CABLES1: variants seen among roughly 807,000 people sequenced by gnomAD.
CABLES1 encodes the protein Cdk5 and Abl enzyme substrate 1, also known as CDK5 and ABL1 enzyme substrate 1.
In CABLES1, 36 loss-of-function variants were observed where a neutral mutation model predicts 57.8. That is an observed-to-expected ratio of 0.62 (90% CI 0.48 to 0.82). The LOEUF (loss-of-function observed/expected upper bound fraction) is 0.82. Among genes scored for constraint, CABLES1 ranks in the 40% least tolerant of loss-of-function variants. The pLI, the probability that CABLES1 is intolerant of heterozygous loss-of-function variation, is 0.00. For synonymous variants in CABLES1, 374 were observed against 363.0 expected (o/e 1.03, Z -0.35); for missense variants, 767 against 836.6 (o/e 0.92, Z 1.03).
At chr18:23,199,314 T>G (rs1337023166) in intron 3 of CABLES1, among the ~76,000 whole-genome samples, 2 of 152,206 alleles carry the variant, frequency 1.3e-5, no homozygotes, top group Non-Finnish European at 2.9e-5. Context: ...ACGATACAAT[T>G]AATTGCTAGT....
chr18:23,160,789 T>A (rs1192860602), intron 1 of CABLES1, among the ~76,000 whole-genome samples: 1 of 152,150 alleles, frequency 6.6e-6, no homozygotes, highest in African/African-American at 2.4e-5. Flanking sequence ...ATCCCAGCAC[T>A]TTGGGAGGCC....
Position 23,135,808 on chromosome 18 carries a change from G to GGCGGCCGCCACCACGGCCGCCTGCA in CABLES1, c.48_49insGGCCGCCACCACGGCCGCCTGCAGC (p.Ser17GlyfsTer291). On this transcript the variant is annotated frameshift_variant, in exon 1 of 10. Coordinates refer to ENST00000256925, the MANE Select transcript of CABLES1 (RefSeq NM_001100619.3). LOFTEE classifies it high-confidence loss of function. The stretch of plus-strand genomic sequence containing the variant: ...CGCCACCACGGCCGCCTGCAGCAGC[G>GGCGGCCGCCACCACGGCCGCCTGCA]GCAGCGCCGGCACCGACGCCGCGGG... 1.0e-6 allele frequency: 1 copy of GGCGGCCGCCACCACGGCCGCCTGCA among 965,572 alleles called. No homozygotes were observed. Among genetic ancestry groups the GGCGGCCGCCACCACGGCCGCCTGCA allele is most frequent in the Non-Finnish European group, 1.2e-6 (1 of 812,956 alleles). The allele number at this position is 965,572 out of a possible 1,614,324, so 59.8% of individuals were successfully genotyped here. A position where few individuals can be genotyped will look rare whatever the true frequency, so the allele number is the denominator to read the frequency against.
At chr18:23,217,331 C>A (rs2047449665) in intron 4 of CABLES1, among the ~76,000 whole-genome samples, 1 of 152,144 alleles carries the variant, frequency 6.6e-6, no homozygotes, top group African/African-American at 2.4e-5. Context: ...GATCCTCCTG[C>A]CTCGGCCTCC....
intron 3 of CABLES1, among the ~76,000 whole-genome samples, chr18:23,195,937 A>G (rs1283746620): frequency 6.6e-6 from 1 of 152,224 alleles, no homozygotes; most frequent in Non-Finnish European, 1.5e-5. Context: ...ACCGTAACAT[A>G]AATGTAGAAA....
chr18:23,200,415 A>G (rs1342355082), intron 3 of CABLES1, among the ~76,000 whole-genome samples: 4 of 152,036 alleles, frequency 2.6e-5, no homozygotes, highest in Non-Finnish European at 4.4e-5. Context: ...ACCCGCCACC[A>G]TGCCCAGCTA....
chr18:23,144,772 G>T (rs546491254), intron 1 of CABLES1, among the ~76,000 whole-genome samples: 190 of 152,282 alleles, frequency 1.2e-3, no homozygotes, highest in Non-Finnish European at 2.2e-3. Flanking sequence ...TATTGGAGAC[G>T]ACTGAGGAAT....
intron 6 of CABLES1, among the ~76,000 whole-genome samples, chr18:23,236,348 C>A (rs112307600): frequency 5.3e-5 from 8 of 152,126 alleles, no homozygotes; most frequent in African/African-American, 4.8e-5. Context: ...TCAGCTCCCC[C>A]CAACAATGAC....
intron 9 of CABLES1, among the ~76,000 whole-genome samples, chr18:23,256,274 C>T (rs1282900164): frequency 1.3e-5 from 2 of 152,222 alleles, no homozygotes; most frequent in Non-Finnish European, 2.9e-5. Context: ...CTTTCCAGCT[C>T]CAGCAGCCCC....
intron 1 of CABLES1, among the ~76,000 whole-genome samples, chr18:23,150,442 T>C (rs2046921332): frequency 6.6e-6 from 1 of 151,978 alleles, no homozygotes; most frequent in Admixed American, 6.6e-5. Flanking sequence ...GGTCTCAATC[T>C]CCTGACCTCG....
chr18:23,138,256 G>A (rs1297351680), intron 1 of CABLES1, among the ~76,000 whole-genome samples: 1 of 152,208 alleles, frequency 6.6e-6, no homozygotes, highest in Non-Finnish European at 1.5e-5. Flanking sequence ...AGGGGATATG[G>A]AAGATCTTGT....
At chr18:23,184,125 G>C (rs561121915) in intron 1 of CABLES1, among the ~76,000 whole-genome samples, 7 of 152,316 alleles carry the variant, frequency 4.6e-5, no homozygotes, top group African/African-American at 1.7e-4. Context: ...ACAGTGACTG[G>C]TGGTAGTTCC....
intron 1 of CABLES1, among the ~76,000 whole-genome samples, chr18:23,180,561 G>A (rs2047158018): frequency 6.6e-6 from 1 of 152,170 alleles, no homozygotes; most frequent in Non-Finnish European, 1.5e-5. Flanking sequence ...CTGTCACCCA[G>A]GCTAGAGTGC....
At chr18:23,243,296 T>C (rs1681494164) in intron 7 of CABLES1, among the ~76,000 whole-genome samples, 1 of 151,912 alleles carries the variant, frequency 6.6e-6, no homozygotes, top group East Asian at 1.9e-4. Flanking sequence ...GCTCCGCACT[T>C]CCCTATTATT....
chr18:23,177,355 C>T (rs182011091), intron 1 of CABLES1, among the ~76,000 whole-genome samples: 4 of 151,622 alleles, frequency 2.6e-5, no homozygotes, highest in Admixed American at 6.6e-5. Flanking sequence ...CTGAAGTGTT[C>T]GTAGCCCTGT....
intron 7 of CABLES1, among the ~76,000 whole-genome samples, chr18:23,250,442 G>A (rs1055880189): frequency 2.0e-5 from 3 of 152,242 alleles, no homozygotes; most frequent in African/African-American, 7.2e-5. Context: ...CATGTTAGAT[G>A]TGGCCCCCAT....
At chr18:23,252,232 G>T (rs748746958) in intron 7 of CABLES1, among the ~76,000 whole-genome samples, 1 of 152,204 alleles carries the variant, frequency 6.6e-6, no homozygotes, top group Non-Finnish European at 1.5e-5. Context: ...TGGGGAGTTG[G>T]CATTTAATGG....
At chr18:23,230,755 G>A (rs982133290) in intron 4 of CABLES1, among the ~76,000 whole-genome samples, 2 of 152,030 alleles carry the variant, frequency 1.3e-5, no homozygotes, top group African/African-American at 4.8e-5. Flanking sequence ...CTTTTCACTG[G>A]GCATTCCTCC....
chr18:23,186,106 T>C (rs148252519), intron 1 of CABLES1, among the ~76,000 whole-genome samples: 35 of 152,316 alleles, frequency 2.3e-4, no homozygotes, highest in African/African-American at 8.4e-4. Flanking sequence ...GGAAGGAACA[T>C]GTACGCATCT....
chr18:23,250,586 G>T (rs1329478718), intron 7 of CABLES1, among the ~76,000 whole-genome samples: 1 of 152,206 alleles, frequency 6.6e-6, no homozygotes, highest in Non-Finnish European at 1.5e-5. Flanking sequence ...TTGGAGGGCT[G>T]CCACAGGGGT....
Sources: gnomAD v4.1 joint callset for allele counts (sites outside exome capture counted in the v4.1 genomes callset) on GRCh38, gnomAD v4.1.1 for gene constraint, MANE v1.5 for transcripts, NCBI Gene and HGNC (gene_info 2026-07-23, HGNC 2026-07-21) for gene names.